Variants in TENM3 observed in about 807,000 individuals in gnomAD.
TENM3 encodes the protein teneurin transmembrane protein 3.
Under a neutral mutation model 255.1 loss-of-function variants are expected in TENM3, and 63 were observed. The ratio of observed to expected loss-of-function variants is 0.25; its 90% CI spans 0.20 to 0.30. The LOEUF is 0.30. TENM3 is among the 10% of genes least tolerant of loss of function. The pLI is 1.00. For missense variants in TENM3, 2,929 were observed against 3,461.1 expected (o/e 0.85, Z 3.86); for synonymous variants, 1,306 against 1,322.3 (o/e 0.99, Z 0.27).
At chr4:181,715,456 C>G in the TENM3 span, among the ~76,000 whole-genome samples, 1 of 152,126 alleles carries the variant, frequency 6.6e-6, no homozygotes, top group Admixed American at 6.6e-5. Context: ...TACTTAACTT[C>G]CTCTTAGCTG....
chr4:182,237,461 G>A (rs1756969173), intron 1 of TENM3, among the ~76,000 whole-genome samples: 1 of 151,286 alleles, frequency 6.6e-6, no homozygotes, highest in African/African-American at 2.4e-5. Context: ...TGCCTCCTGG[G>A]TTCAAGCAGT....
At chr4:181,842,102 C>T in the TENM3 span, among the ~76,000 whole-genome samples, 16 of 152,036 alleles carry the variant, frequency 1.1e-4, no homozygotes, top group Admixed American at 3.3e-4. Context: ...CTTCTGATAA[C>T]ATTTATAAGC....
chr4:182,662,403 G>A (rs375336189), intron 6 of TENM3, among the ~76,000 whole-genome samples: 4 of 152,196 alleles, frequency 2.6e-5, no homozygotes, highest in Admixed American at 2.0e-4. Context: ...GTTTGAAGAC[G>A]TGGTACGTTT....
chr4:182,050,455 G>A, the TENM3 span, among the ~76,000 whole-genome samples: 1 of 152,210 alleles, frequency 6.6e-6, no homozygotes, highest in African/African-American at 2.4e-5. Flanking sequence ...AAGGCCCAGT[G>A]ACATGCTGTG....
chr4:181,991,662 G>T, the TENM3 span, among the ~76,000 whole-genome samples: 1 of 152,072 alleles, frequency 6.6e-6, no homozygotes, highest in Non-Finnish European at 1.5e-5. Context: ...GCACTAATTG[G>T]TTGACATTCT....
the TENM3 span, among the ~76,000 whole-genome samples, chr4:181,832,226 C>A: frequency 6.6e-6 from 1 of 152,038 alleles, no homozygotes; most frequent in African/African-American, 2.4e-5. Context: ...TCCCCAAGAG[C>A]TGCGTACAAG....
chr4:181,687,445 T>C, the TENM3 span, among the ~76,000 whole-genome samples: 1 of 152,204 alleles, frequency 6.6e-6, no homozygotes, highest in African/African-American at 2.4e-5. Context: ...TTCATAGTCT[T>C]ATAAAATGCT....
the TENM3 span, among the ~76,000 whole-genome samples, chr4:182,070,752 C>G: frequency 6.6e-6 from 1 of 152,214 alleles, no homozygotes; most frequent in African/African-American, 2.4e-5. Context: ...ACTTATTTCT[C>G]TGAATTCCAA....
At chr4:182,560,847 A>T (rs72701951) in intron 3 of TENM3, among the ~76,000 whole-genome samples, 16,613 of 152,236 alleles carry the variant, frequency 0.11, 1,066 homozygotes, top group Admixed American at 0.16. Context: ...GAGAAGTAAA[A>T]GGGCAAAGAT....
At chr4:182,353,983 T>A (rs533915982) in intron 3 of TENM3, among the ~76,000 whole-genome samples, 61 of 150,360 alleles carry the variant, frequency 4.1e-4, no homozygotes, top group Non-Finnish European at 7.4e-4. Context: ...AAAAAAAAAG[T>A]TACGATTTAA....
At chr4:182,122,659 C>T in the TENM3 span, among the ~76,000 whole-genome samples, 2 of 152,146 alleles carry the variant, frequency 1.3e-5, no homozygotes, top group Non-Finnish European at 2.9e-5. Flanking sequence ...TTACAGAACA[C>T]AGGCAGAGTA....
At chr4:182,107,102 G>C in the TENM3 span, among the ~76,000 whole-genome samples, 1 of 151,224 alleles carries the variant, frequency 6.6e-6, no homozygotes, top group Non-Finnish European at 1.5e-5. Context: ...TATGAGGCAG[G>C]TTCACTGTGC....
At chr4:182,526,357 T>A (rs7664460) in intron 3 of TENM3, among the ~76,000 whole-genome samples, 25,296 of 151,988 alleles carry the variant, frequency 0.17, 3,365 homozygotes, top group African/African-American at 0.36. Flanking sequence ...CCTCTCACTG[T>A]CCTGTTGTGA....
At chr4:181,594,664 A>G in the TENM3 span, among the ~76,000 whole-genome samples, 1 of 150,186 alleles carries the variant, frequency 6.7e-6, no homozygotes, top group African/African-American at 2.4e-5. Flanking sequence ...TAATGCCCTC[A>G]GTATGCTGAA....
chr4:182,318,291 T>C lies in TENM3; in HGVS notation c.-75-5655T>C, dbSNP rs142937133. ...CCTTATGGAATTTTAGAACTACAAT[T>C]GATGTTAGGGATGTTTGATAAATTG... is the stretch of plus-strand genomic sequence containing the variant. On this transcript the variant is annotated intron_variant, in intron 1 of 27. Coordinates refer to ENST00000511685, the MANE Select transcript of TENM3 (RefSeq NM_001080477.4). Among the ~76,000 whole-genome samples, 18 of 152,256 alleles carry C rather than the reference T, an allele frequency of 1.2e-4. No homozygotes were observed. In the East Asian group the frequency reaches 3.5e-3, roughly 29 times the overall value.
At chr4:182,768,978 T>G (rs1263035346) in intron 22 of TENM3, among the ~76,000 whole-genome samples, 1 of 152,184 alleles carries the variant, frequency 6.6e-6, no homozygotes, top group Admixed American at 6.5e-5. Context: ...TGATGTTCTA[T>G]TCAAATTCCC....
chr4:182,531,493 C>T (rs1739775262), intron 3 of TENM3, among the ~76,000 whole-genome samples: 1 of 152,234 alleles, frequency 6.6e-6, no homozygotes, highest in South Asian at 2.1e-4. Context: ...AAGACCACCC[C>T]AGGCTAGATG....
the TENM3 span, among the ~76,000 whole-genome samples, chr4:181,884,931 TA>T: frequency 6.6e-6 from 1 of 152,180 alleles, no homozygotes; most frequent in African/African-American, 2.4e-5. Context: ...TTAATTTTTA[TA>T]AAAATTTTTG....
the TENM3 span, among the ~76,000 whole-genome samples, chr4:181,709,107 C>T: frequency 9.2e-5 from 14 of 152,272 alleles, no homozygotes; most frequent in East Asian, 1.5e-3. Context: ...ACTGTGCTAA[C>T]GGAAAGCTGT....
Sources: gnomAD v4.1 joint callset for allele counts (sites outside exome capture counted in the v4.1 genomes callset) on GRCh38, gnomAD v4.1.1 for gene constraint, MANE v1.5 for transcripts, NCBI Gene and HGNC (gene_info 2026-07-23, HGNC 2026-07-21) for gene names.